TRDN: variants seen among roughly 807,000 people sequenced by gnomAD.
The protein encoded by TRDN is triadin in skeletal muscle.
A neutral mutation model predicts 149.7 loss-of-function variants in TRDN; 161 were observed. The observed-to-expected ratio is 1.08, with a 90% confidence interval of 0.95 to 1.23. The LOEUF (loss-of-function observed/expected upper bound fraction) is 1.23, where lower values mean the gene tolerates loss of function less well. TRDN is among the 50% of genes most tolerant of loss of function. The pLI, the probability that TRDN is intolerant of heterozygous loss-of-function variation, is 0.00. For synonymous variants in TRDN, 294 were observed against 250.5 expected (o/e 1.17, Z -1.64); for missense variants, 896 against 823.5 (o/e 1.09, Z -1.08).
intron 7 of TRDN, among the ~76,000 whole-genome samples, chr6:123,506,776 GT>G (rs1273933958): frequency 6.6e-6 from 1 of 151,896 alleles, no homozygotes; most frequent in Non-Finnish European, 1.5e-5. Context: ...TTTCTTCATG[GT>G]CAATTCACAT....
chr6:123,592,359 A>C (rs924109778), intron 1 of TRDN, among the ~76,000 whole-genome samples: 1 of 152,194 alleles, frequency 6.6e-6, no homozygotes, highest in African/African-American at 2.4e-5. Context: ...CAGCATCTAA[A>C]GGAGGTTAAA....
In TRDN at chr6:123,217,790, C is replaced by T. The variant is rs767053290; in HGVS notation, c.*811G>A. 10 of 151,954 alleles carry T rather than the reference C, an allele frequency of 6.6e-5. No homozygotes were observed. The highest frequency in any genetic ancestry group is 9.7e-5 in the African/African-American group (4 of 41,410). 9.4% of individuals were successfully genotyped at this position (151,954 alleles called of 1,614,324 possible). ...ATTTAGTGATTGATCTAAAATTTCA[C>T]CCAGGTGACATTTTTATTAAGACAC... On this transcript the variant is annotated 3_prime_UTR_variant, in exon 41 of 41. Coordinates refer to ENST00000334268, the MANE Select transcript of TRDN (RefSeq NM_006073.4).
At chr6:123,511,861 T>C (rs1463505734) in intron 7 of TRDN, among the ~76,000 whole-genome samples, 1 of 152,192 alleles carries the variant, frequency 6.6e-6, no homozygotes, top group East Asian at 1.9e-4. Context: ...GCAAAAGTAC[T>C]CATACTTCAA....
At chr6:123,273,789 G>T (rs746652549) in intron 27 of TRDN, among the ~76,000 whole-genome samples, 1 of 151,926 alleles carries the variant, frequency 6.6e-6, no homozygotes, top group Non-Finnish European at 1.5e-5. Flanking sequence ...GAAGAATCTT[G>T]CTAAGTAATC....
intron 24 of TRDN, among the ~76,000 whole-genome samples, chr6:123,304,000 C>T (rs1282894040): frequency 6.6e-6 from 1 of 152,012 alleles, no homozygotes; most frequent in Non-Finnish European, 1.5e-5. Context: ...TACTTGGATG[C>T]TGGGTTCTGA....
At chr6:123,457,417 T>A in intron 10 of TRDN, 1 of 338,006 alleles carries the variant, frequency 3.0e-6, no homozygotes, top group South Asian at 2.6e-5. Context: ...ACAAAAGGTC[T>A]TTTTAATAAT....
At chr6:123,563,814 G>A (rs915213796) in intron 2 of TRDN, among the ~76,000 whole-genome samples, 9 of 150,508 alleles carry the variant, frequency 6.0e-5, no homozygotes, top group African/African-American at 2.2e-4. Flanking sequence ...TTTTGTTTTT[G>A]TTTTTGTTTT....
intron 1 of TRDN, among the ~76,000 whole-genome samples, chr6:123,613,358 G>T (rs991069793): frequency 1.3e-5 from 2 of 152,082 alleles, no homozygotes; most frequent in South Asian, 2.1e-4. Context: ...GCATATATTT[G>T]CACGTTTTAT....
intron 4 of TRDN, among the ~76,000 whole-genome samples, chr6:123,537,774 T>C (rs1379777692): frequency 6.6e-6 from 1 of 152,070 alleles, no homozygotes; most frequent in African/African-American, 2.4e-5. Flanking sequence ...TCAGTGAAAA[T>C]AGATTGTATC....
chr6:123,438,081 T>C lies in TRDN; in HGVS notation c.1033A>G (p.Ile345Val). The change falls in exon 12 of 41, where the codon ATT becomes GTT. Residue 345 changes from isoleucine (I) to valine (V), a missense_variant. By Grantham distance (29) the Ile-to-Val change is conservative. Coordinates refer to ENST00000334268, the MANE Select transcript of TRDN (RefSeq NM_006073.4). ...IKKKSEKETAIDVEKKEPGKA... is the reference protein window; with the variant it reads ...IKKKSEKETAVDVEKKEPGKA... ...GCAATACCTTTTTTTTCCACATCAA[T>C]GGCAGTTTCCTTCTCACTTTTCTTT... 6.3e-7 allele frequency: 1 copy of C among 1,595,676 alleles called. No homozygotes were observed. Among genetic ancestry groups the C allele is most frequent in the South Asian group, 1.2e-5 (1 of 86,914 alleles).
At chr6:123,523,664 T>G (rs1026332572) in intron 5 of TRDN, among the ~76,000 whole-genome samples, 2 of 152,042 alleles carry the variant, frequency 1.3e-5, no homozygotes, top group Non-Finnish European at 2.9e-5. Context: ...TAGACTAAAT[T>G]ATAGTACGGA....
intron 24 of TRDN, among the ~76,000 whole-genome samples, chr6:123,284,815 T>C (rs1423215898): frequency 6.6e-6 from 1 of 152,078 alleles, no homozygotes; most frequent in African/African-American, 2.4e-5. Flanking sequence ...TTCAGCAAAG[T>C]TTGAGGATAC....
intron 10 of TRDN, among the ~76,000 whole-genome samples, chr6:123,450,968 CATGGAAATTA>C (rs1775733707): frequency 6.6e-6 from 1 of 152,116 alleles, no homozygotes; most frequent in Admixed American, 6.5e-5. Flanking sequence ...CATGCAAATA[CATGGAAATTA>C]AATAACCTGC....
chr6:123,583,947 A>G (rs1461388289), intron 1 of TRDN: 3 of 259,186 alleles, frequency 1.2e-5, no homozygotes, highest in South Asian at 1.1e-4. Flanking sequence ...CACGATGGAA[A>G]GGAAATGAGA....
At chr6:123,439,093 T>G in intron 10 of TRDN, 90 bp from the exon 11 acceptor site, 2 of 973,266 alleles carry the variant, frequency 2.1e-6, no homozygotes, top group Admixed American at 5.4e-5. Context: ...TTAAGTCAGT[T>G]CTGCCTCCAG....
intron 12 of TRDN, among the ~76,000 whole-genome samples, chr6:123,420,591 T>C (rs1369676255): frequency 6.6e-6 from 1 of 152,152 alleles, no homozygotes; most frequent in Admixed American, 6.5e-5. Context: ...CAAAAGTGAA[T>C]AAAGACAAAG....
intron 9 of TRDN, among the ~76,000 whole-genome samples, chr6:123,490,708 C>A (rs1431977026): frequency 6.6e-6 from 1 of 152,046 alleles, no homozygotes; most frequent in Non-Finnish European, 1.5e-5. Flanking sequence ...TTTCTAACTG[C>A]ACAAATGCTA....
At chr6:123,424,979 T>C (rs1283052412) in intron 12 of TRDN, among the ~76,000 whole-genome samples, 1 of 152,124 alleles carries the variant, frequency 6.6e-6, no homozygotes, top group Non-Finnish European at 1.5e-5. Flanking sequence ...TTCATATTGT[T>C]GTTACACTAT....
At chr6:123,316,634 T>G in intron 23 of TRDN, 139 bp from the exon 24 acceptor site, 1 of 577,108 alleles carries the variant, frequency 1.7e-6, no homozygotes, top group Non-Finnish European at 3.0e-6. Context: ...TATAGTTATA[T>G]ACTGTTATCA....
Sources: gnomAD v4.1 joint callset for allele counts (sites outside exome capture counted in the v4.1 genomes callset) on GRCh38, gnomAD v4.1.1 for gene constraint, MANE v1.5 for transcripts, NCBI Gene and HGNC (gene_info 2026-07-23, HGNC 2026-07-21) for gene names.